The following SYT17 variants were observed in gnomAD, a reference collection of about 807,000 sequenced individuals.
The protein encoded by SYT17 is synaptotagmin 17, also known as synaptotagmin-17.
SYT17 carries 22 observed loss-of-function variants against 46.7 expected under a neutral mutation model. The observed-to-expected ratio is 0.47, with a 90% CI of 0.34 to 0.67. The LOEUF (loss-of-function observed/expected upper bound fraction) is 0.67, where lower values mean the gene tolerates loss of function less well. SYT17 is among the 30% of genes least tolerant of loss of function. The pLI, the probability that SYT17 is intolerant of heterozygous loss-of-function variation, is 0.01. For missense variants in SYT17, 519 were observed against 612.8 expected (o/e 0.85, Z 1.62); for synonymous variants, 251 against 248.4 (o/e 1.01, Z -0.10).
At chr16:19,204,243 T>C (rs2142754944) in intron 5 of SYT17, among the ~76,000 whole-genome samples, 1 of 152,064 alleles carries the variant, frequency 6.6e-6, no homozygotes, top group South Asian at 2.1e-4. Context: ...CCAAAATATC[T>C]CCAGACATTG....
In SYT17 at chr16:19,183,423, T is replaced by G; in HGVS notation, c.332-105T>G. 1.4e-6 allele frequency: 2 copies of G among 1,456,664 alleles called. No individual in the cohort carries two copies. Among genetic ancestry groups the G allele is most frequent in the Non-Finnish European group, 1.9e-6 (2 of 1,078,296 alleles). The allele number at this position is 1,456,664 out of a possible 1,614,324, so 90.2% of individuals were successfully genotyped here. A position where few individuals can be genotyped will look rare whatever the true frequency, so the allele number is the denominator to read the frequency against. On this transcript the variant is annotated intron_variant, in intron 4 of 7. Coordinates refer to ENST00000355377, the MANE Select transcript of SYT17 (RefSeq NM_016524.4). This position sits in a 1 kb window ranked among gnomAD's most constrained non-coding sequence, Gnocchi z 5.6. ...AGAGTGTGGAGAAAGATGGCAAAGGTCATTCTGAAGCAGAGTAAACAATGC... is the reference window on the plus strand; with the variant it reads ...AGAGTGTGGAGAAAGATGGCAAAGGGCATTCTGAAGCAGAGTAAACAATGC...
rs369324323 is a variant in SYT17 at position 19,223,171 on chromosome 16, G to A, written c.1072+6G>A. On this transcript the variant is annotated splice_donor_region_variant and intron_variant, in intron 6 of 7. Transcript: ENST00000355377. Reference sequence around the variant, plus strand: ...AGATGTGAGCCAAGGTTCAGGTACCGTGTGATTCCCCTCTTCTCTCACTTT... The same window carrying A: ...AGATGTGAGCCAAGGTTCAGGTACCATGTGATTCCCCTCTTCTCTCACTTT... 125 of 1,612,734 alleles carry A rather than the reference G, an allele frequency of 7.8e-5. 1 individual carries two copies. Among genetic ancestry groups the A allele is most frequent in the South Asian group, 6.9e-4 (63 of 90,976 alleles).
rs181831296 is a variant in SYT17, at chr16:19,219,618, C to T, written c.952-3427C>T. On this transcript the variant is annotated intron_variant, in intron 5 of 7. Coordinates refer to ENST00000355377, the MANE Select transcript of SYT17 (RefSeq NM_016524.4). ...TGGCAAATGCACACGTAACTGCTAC[C>T]ACAATCAAGATATAGCATATTGCTA... is the stretch of plus-strand genomic sequence containing the variant. Among the ~76,000 whole-genome samples the T allele has an allele frequency of 3.3e-5, 5 of 152,244 alleles. No homozygotes were observed. In the East Asian group the frequency reaches 9.7e-4, roughly 29 times the overall value.
intron 5 of SYT17, among the ~76,000 whole-genome samples, chr16:19,217,658 T>C (rs1966147246): frequency 6.6e-6 from 1 of 152,232 alleles, no homozygotes; most frequent in Non-Finnish European, 1.5e-5. Flanking sequence ...GCTATGAACA[T>C]CTGCGTACAA....
chr16:19,173,462 G>A lies in SYT17; in HGVS notation c.66G>A (p.Leu22=), dbSNP rs199613222. 1,299 of 1,606,016 alleles carry A rather than the reference G, an allele frequency of 8.1e-4. 8 individuals are homozygous for A. In the South Asian group the frequency reaches 8.1e-3, roughly 10 times the overall value. The stretch of plus-strand genomic sequence containing the variant: ...TTTCTAGAATCTCTGGTCTGCTGCT[G>A]TGCAGATGGACCTGCCGGCACTGCT... ...GFLSRISGLL[L]CRWTCRHCCQ... is the part of the protein sequence containing the mutation. The change falls in exon 3 of 8, where the codon CTG becomes CTA. Residue 22 remains leucine, a synonymous_variant. Coordinates refer to ENST00000355377, the MANE Select transcript of SYT17 (RefSeq NM_016524.4).
intron 7 of SYT17, among the ~76,000 whole-genome samples, chr16:19,234,073 C>T (rs1309525436): frequency 6.6e-6 from 1 of 152,166 alleles, no homozygotes; most frequent in East Asian, 1.9e-4. Context: ...TACCTGTAAT[C>T]CCAGCACTAT....
At chr16:19,248,968 A>G (rs1029590081) in intron 7 of SYT17, among the ~76,000 whole-genome samples, 30 of 152,182 alleles carry the variant, frequency 2.0e-4, no homozygotes, top group Non-Finnish European at 1.8e-4. Flanking sequence ...ATGGATTTCT[A>G]CTAAAGGCAA....
intron 2 of SYT17, 115 bp downstream of exon 2, chr16:19,172,892 G>A (rs928244090): frequency 7.8e-7 from 1 of 1,276,986 alleles, no homozygotes; most frequent in African/African-American, 1.5e-5. Flanking sequence ...ATAACCTGGT[G>A]TTAATAACGG....
chr16:19,172,999 T>G (rs1964161122), intron 2 of SYT17: 2 of 606,604 alleles, frequency 3.3e-6, no homozygotes, highest in Non-Finnish European at 5.7e-6. Flanking sequence ...CTTATTCCGT[T>G]TGATTATCTC....
At chr16:19,245,694 T>C (rs1224145424) in intron 7 of SYT17, among the ~76,000 whole-genome samples, 1 of 152,118 alleles carries the variant, frequency 6.6e-6, no homozygotes, top group Non-Finnish European at 1.5e-5. Flanking sequence ...CATAAAAACG[T>C]AGGCAAACAG....
chr16:19,192,907 C>T (rs1295540520), intron 5 of SYT17, among the ~76,000 whole-genome samples: 1 of 152,180 alleles, frequency 6.6e-6, no homozygotes, highest in African/African-American at 2.4e-5. Flanking sequence ...CTCCCTAATT[C>T]TGATTTCCCA....
chr16:19,249,790 C>A, intron 7 of SYT17: 1 of 693,122 alleles, frequency 1.4e-6, no homozygotes, highest in Non-Finnish European at 2.2e-6. Flanking sequence ...TGGTTCAGGC[C>A]CTGGTTGGTG....
At chr16:19,232,844 A>AAACC (rs1966751970) in intron 7 of SYT17, among the ~76,000 whole-genome samples, 1 of 103,214 alleles carries the variant, frequency 9.7e-6, no homozygotes, top group Non-Finnish European at 2.6e-5. Context: ...AAACATAAAC[A>AAACC]AACAAACAAA....
In SYT17 at chr16:19,173,411, CCT is replaced by C; in HGVS notation, c.34-17_34-16del. 6.9e-7 allele frequency: 1 copy of C among 1,449,354 alleles called. No individual in the cohort carries two copies. Among genetic ancestry groups the C allele is most frequent in the Non-Finnish European group, 9.3e-7 (1 of 1,072,880 alleles). The allele number at this position is 1,449,354 out of a possible 1,614,324, so 89.8% of individuals were successfully genotyped here. The stretch of plus-strand genomic sequence containing the variant: ...CCCCTCTCCCCCATCCCCCCGCCCA[CCT>C]CCCCCAATGGCCTCAGGGTTTTCTT... On this transcript the variant is annotated splice_polypyrimidine_tract_variant and intron_variant, in intron 2 of 7. Transcript: ENST00000355377.
chr16:19,234,640 G>T (rs186764497), intron 7 of SYT17, among the ~76,000 whole-genome samples: 152 of 152,244 alleles, frequency 1.0e-3, no homozygotes, highest in African/African-American at 3.5e-3. Context: ...TTGAATCTTG[G>T]CCCCATGATA....
chr16:19,190,770 G>C (rs1286523276), intron 5 of SYT17, among the ~76,000 whole-genome samples: 1 of 2,658 alleles, frequency 3.8e-4, no homozygotes, highest in Non-Finnish European at 2.0e-3. Context: ...TAATATTCCT[G>C]TGTGTGTGTG....
At chr16:19,266,506 G>C (rs1445686789) in intron 7 of SYT17, among the ~76,000 whole-genome samples, 2 of 152,212 alleles carry the variant, frequency 1.3e-5, no homozygotes, top group Non-Finnish European at 2.9e-5. Flanking sequence ...TGTTCCACTA[G>C]AACTATCCAC....
intron 7 of SYT17, among the ~76,000 whole-genome samples, chr16:19,240,144 C>T (rs1966987791): frequency 6.6e-6 from 1 of 152,226 alleles, no homozygotes; most frequent in African/African-American, 2.4e-5. Context: ...TTCTTTCTTC[C>T]CTCCTTCTTG....
chr16:19,247,366 T>C (rs1211699441), intron 7 of SYT17, among the ~76,000 whole-genome samples: 1 of 152,254 alleles, frequency 6.6e-6, no homozygotes, highest in African/African-American at 2.4e-5. Context: ...ACCTAAATCC[T>C]AGCAGTGGGA....
Sources: gnomAD v4.1 joint callset for allele counts (sites outside exome capture counted in the v4.1 genomes callset) on GRCh38, gnomAD v4.1.1 for gene constraint, Gnocchi (gnomAD v3.1) non-coding constraint, MANE v1.5 for transcripts, NCBI Gene and HGNC (gene_info 2026-07-23, HGNC 2026-07-21) for gene names.